Variants in ZFPM2 observed in about 807,000 individuals in gnomAD.
ZFPM2 encodes the protein zinc finger protein, FOG family member 2.
A neutral mutation model predicts 98.6 loss-of-function variants in ZFPM2; 20 were observed. That is an observed-to-expected ratio of 0.20 (90% CI 0.14 to 0.29). The LOEUF is 0.29. ZFPM2 is among the 10% of genes least tolerant of loss of function. ZFPM2 has a pLI of 1.00. For synonymous variants in ZFPM2, 518 were observed against 502.7 expected (o/e 1.03, Z -0.41); for missense variants, 1,310 against 1,388.6 (o/e 0.94, Z 0.90).
intron 5 of ZFPM2, among the ~76,000 whole-genome samples, chr8:105,663,863 C>T (rs1326556808): frequency 2.6e-5 from 4 of 152,184 alleles, no homozygotes; most frequent in African/African-American, 9.7e-5. Flanking sequence ...TAGTCTGGAA[C>T]AGCGTTTCAA....
chr8:105,409,125 C>A (rs1403283770), intron 1 of ZFPM2, among the ~76,000 whole-genome samples: 1 of 151,794 alleles, frequency 6.6e-6, no homozygotes, highest in African/African-American at 2.4e-5. Flanking sequence ...ACAGAGTACC[C>A]TTGCTCATGT....
intron 6 of ZFPM2, among the ~76,000 whole-genome samples, chr8:105,793,735 G>C (rs1011919007): frequency 2.0e-5 from 3 of 152,014 alleles, no homozygotes; most frequent in African/African-American, 7.3e-5. Flanking sequence ...ATCAGACGTA[G>C]ATTTGGTCTT....
intron 3 of ZFPM2, among the ~76,000 whole-genome samples, chr8:105,453,306 T>C (rs1244723240): frequency 3.3e-5 from 5 of 152,228 alleles, no homozygotes; most frequent in African/African-American, 1.2e-4. Flanking sequence ...ATAATGATTT[T>C]TGAGTTCTTA....
intron 4 of ZFPM2, among the ~76,000 whole-genome samples, chr8:105,570,436 A>G (rs757513592): frequency 2.0e-5 from 3 of 152,126 alleles, no homozygotes; most frequent in Admixed American, 6.5e-5. Context: ...GAAATTAAAC[A>G]CCGAAGAATT....
intron 3 of ZFPM2, among the ~76,000 whole-genome samples, chr8:105,539,847 T>C (rs1272749599): frequency 6.6e-6 from 1 of 152,160 alleles, no homozygotes; most frequent in Non-Finnish European, 1.5e-5. Flanking sequence ...CTTTAGCCTT[T>C]CTTACCTATT....
At chr8:105,571,612 G>A (rs1731066846) in intron 4 of ZFPM2, among the ~76,000 whole-genome samples, 1 of 152,146 alleles carries the variant, frequency 6.6e-6, no homozygotes, top group African/African-American at 2.4e-5. Context: ...GGCAGGATAT[G>A]CTTACATGGT....
chr8:105,543,011 CA>C (rs1256375566), intron 3 of ZFPM2, among the ~76,000 whole-genome samples: 1 of 151,904 alleles, frequency 6.6e-6, no homozygotes, highest in Non-Finnish European at 1.5e-5. Context: ...TACTAGTATC[CA>C]AAAAGATGTT....
In ZFPM2 at chr8:105,441,461, A is replaced by AGGAAGGAAGGAAGGAAGGAAGGAAG. The variant is rs1563659944; in HGVS notation, c.200-2818_200-2817insGAAGGAAGGAAGGAAGGAAGGAAGG. Among the ~76,000 whole-genome samples, 78 of 108,220 alleles carry AGGAAGGAAGGAAGGAAGGAAGGAAG rather than the reference A, an allele frequency of 7.2e-4. 17 individuals carry two copies. The highest frequency in any genetic ancestry group is 4.6e-3 in the Middle Eastern group (1 of 216). The allele number at this position is 108,220 out of a possible 152,430, so 71.0% of individuals were successfully genotyped here. A position where few individuals can be genotyped will look rare whatever the true frequency, so the allele number is the denominator to read the frequency against. ...GAGAGAGAGAGAGAGAGAGAAAGAA[A>AGGAAGGAAGGAAGGAAGGAAGGAAG]GAAAGAAAGAAAGAAAGAAAGAAAG... is the stretch of plus-strand genomic sequence containing the variant. On this transcript the variant is annotated intron_variant, in intron 2 of 7. Coordinates refer to ENST00000407775, the MANE Select transcript of ZFPM2 (RefSeq NM_012082.4).
intron 3 of ZFPM2, among the ~76,000 whole-genome samples, chr8:105,484,610 T>TAC (rs1398950297): frequency 6.6e-6 from 1 of 152,212 alleles, no homozygotes; most frequent in African/African-American, 2.4e-5. Context: ...AATTAATGAG[T>TAC]ACACGTCCTT....
At chr8:105,734,674 TGA>T (rs747623261) in intron 5 of ZFPM2, among the ~76,000 whole-genome samples, 30 of 151,974 alleles carry the variant, frequency 2.0e-4, no homozygotes, top group Admixed American at 6.6e-4. Context: ...TGTAAACTTA[TGA>T]GAGATTGCTT....
chr8:105,361,609 A>C (rs1350614059), intron 1 of ZFPM2, among the ~76,000 whole-genome samples: 2 of 152,172 alleles, frequency 1.3e-5, no homozygotes, highest in African/African-American at 2.4e-5. Context: ...AACATCACCT[A>C]AATAATACTA....
intron 5 of ZFPM2, among the ~76,000 whole-genome samples, chr8:105,748,958 A>G (rs1432000928): frequency 2.0e-5 from 3 of 152,080 alleles, no homozygotes; most frequent in Non-Finnish European, 4.4e-5. Context: ...ATTGAAAGTC[A>G]CAATATAGAC....
At chr8:105,436,675 C>T (rs1361291496) in intron 2 of ZFPM2, among the ~76,000 whole-genome samples, 3 of 152,118 alleles carry the variant, frequency 2.0e-5, no homozygotes, top group Non-Finnish European at 2.9e-5. Flanking sequence ...TCTTTGGAGT[C>T]GGACTAACTT....
chr8:105,635,115 C>G (rs1330382188), intron 5 of ZFPM2, among the ~76,000 whole-genome samples: 1 of 152,142 alleles, frequency 6.6e-6, no homozygotes, highest in East Asian at 1.9e-4. Flanking sequence ...ACAGTATAAT[C>G]CCTAATCTCA....
intron 5 of ZFPM2, among the ~76,000 whole-genome samples, chr8:105,653,292 A>G (rs989968721): frequency 6.6e-6 from 1 of 152,170 alleles, no homozygotes; most frequent in African/African-American, 2.4e-5. Context: ...AGACCATTGT[A>G]TGAAATTTGG....
At chr8:105,711,809 A>C (rs1253381820) in intron 5 of ZFPM2, among the ~76,000 whole-genome samples, 3 of 151,988 alleles carry the variant, frequency 2.0e-5, no homozygotes, top group South Asian at 4.1e-4. Context: ...TAACCACCTA[A>C]GGCCTCATCA....
chr8:105,409,525 G>A (rs1217159312), intron 1 of ZFPM2, among the ~76,000 whole-genome samples: 1 of 151,924 alleles, frequency 6.6e-6, no homozygotes, highest in Non-Finnish European at 1.5e-5. Flanking sequence ...ATCAGGATTT[G>A]TCCAGGTGAA....
chr8:105,512,638 A>G (rs1271829930), intron 3 of ZFPM2, among the ~76,000 whole-genome samples: 1 of 152,164 alleles, frequency 6.6e-6, no homozygotes. Context: ...ATGTATCTCA[A>G]AAAGAACTGC....
At chr8:105,734,495 C>T (rs1690524417) in intron 5 of ZFPM2, among the ~76,000 whole-genome samples, 1 of 151,884 alleles carries the variant, frequency 6.6e-6, no homozygotes, top group African/African-American at 2.4e-5. Flanking sequence ...ATTCAGATGA[C>T]AGTGAAGTAT....
Sources: gnomAD v4.1 joint callset for allele counts (sites outside exome capture counted in the v4.1 genomes callset) on GRCh38, gnomAD v4.1.1 for gene constraint, MANE v1.5 for transcripts, NCBI Gene and HGNC (gene_info 2026-07-23, HGNC 2026-07-21) for gene names.